The following R3HCC1L variants were observed in gnomAD, a reference collection of about 807,000 sequenced individuals.
R3HCC1L encodes R3H domain and coiled-coil containing 1 like.
In R3HCC1L, 51 loss-of-function variants were observed where a neutral mutation model predicts 59.9. The observed-to-expected ratio is 0.85, with a 90% confidence interval of 0.68 to 1.07. R3HCC1L has a LOEUF of 1.07. Among genes scored for constraint, R3HCC1L ranks in the 50% least tolerant of loss-of-function variants. R3HCC1L has a pLI of 0.00. For missense variants in R3HCC1L, 965 were observed against 933.0 expected (o/e 1.03, Z -0.45); for synonymous variants, 322 against 315.2 (o/e 1.02, Z -0.23).
chr10:98,154,367 G>A (rs1403713457), intron 1 of R3HCC1L, among the ~76,000 whole-genome samples: 1 of 152,104 alleles, frequency 6.6e-6, no homozygotes, highest in Non-Finnish European at 1.5e-5. Context: ...GATATATATT[G>A]CAGCTGATGG....
At position 98,208,678 on chromosome 10, in the gene R3HCC1L, C is replaced by T. The variant is rs376474765; in HGVS notation, c.564C>T (p.Phe188=). The change falls in exon 5 of 10, where the codon TTC becomes TTT. Residue 188 remains phenylalanine, a synonymous_variant. Coordinates refer to ENST00000298999, the MANE Select transcript of R3HCC1L (RefSeq NM_001351015.2). ...KPFQNVEFCD[F]SRHEPDGEAF... is the part of the protein sequence containing the mutation. ...TCCAAAATGTGGAATTCTGTGACTTCAGTAGGCATGAACCTGATGGGGAAG... is the reference window on the plus strand; with the variant it reads ...TCCAAAATGTGGAATTCTGTGACTTTAGTAGGCATGAACCTGATGGGGAAG... The T allele has an allele frequency of 1.1e-5, 18 of 1,613,958 alleles. No homozygotes were observed. The highest frequency in any genetic ancestry group is 1.4e-5 in the Non-Finnish European group (17 of 1,180,022).
Position 98,163,359 on chromosome 10 carries a change from T to A in R3HCC1L, c.-53T>A, listed in dbSNP as rs770990448. 3.8e-6 allele frequency: 5 copies of A among 1,331,480 alleles called. No individual in the cohort carries two copies. In the South Asian group the frequency reaches 1.0e-4, roughly 27 times the overall value. The allele number at this position is 1,331,480 out of a possible 1,614,324, so 82.5% of individuals were successfully genotyped here. A position where few individuals can be genotyped will look rare whatever the true frequency, so the allele number is the denominator to read the frequency against. On this transcript the variant is annotated 5_prime_UTR_variant, in exon 4 of 10. The change abolishes the stop of an existing upstream ORF in the 5' untranslated region. Transcript: ENST00000298999. Reference sequence around the variant, plus strand: ...TCAGAGACAGTCTATCGGCATGTTGTAGAGTTTTATTACTAAGAAAATAAA... The same window carrying A: ...TCAGAGACAGTCTATCGGCATGTTGAAGAGTTTTATTACTAAGAAAATAAA...
chr10:98,152,951 G>C (rs1322025492), intron 1 of R3HCC1L, among the ~76,000 whole-genome samples: 1 of 149,768 alleles, frequency 6.7e-6, no homozygotes, highest in Non-Finnish European at 1.5e-5. Context: ...GAGGTGGGGG[G>C]TCAGCCCCCA....
At chr10:98,167,473 A>G (rs569451921) in intron 4 of R3HCC1L, among the ~76,000 whole-genome samples, 1 of 152,230 alleles carries the variant, frequency 6.6e-6, no homozygotes, top group African/African-American at 2.4e-5. Context: ...TACCTCATTT[A>G]TAAGTATTCA....
At chr10:98,225,556 CTAGGAAAAGT>C (rs1206596160) in intron 5 of R3HCC1L, among the ~76,000 whole-genome samples, 3 of 152,146 alleles carry the variant, frequency 2.0e-5, no homozygotes, top group Non-Finnish European at 4.4e-5. Context: ...TCTTCCTCCT[CTAGGAAAAGT>C]TAGGAATCTC....
intron 5 of R3HCC1L, among the ~76,000 whole-genome samples, chr10:98,219,420 G>A (rs1278155248): frequency 6.6e-6 from 1 of 152,202 alleles, no homozygotes; most frequent in Non-Finnish European, 1.5e-5. Context: ...TTTAAGTGGA[G>A]AATTTAACCC....
intron 4 of R3HCC1L, among the ~76,000 whole-genome samples, chr10:98,183,795 C>T (rs746925081): frequency 6.6e-5 from 10 of 152,074 alleles, no homozygotes; most frequent in African/African-American, 7.2e-5. Context: ...TTCTTCTTAC[C>T]GTTTCCATCC....
chr10:98,154,187 A>G (rs938084614), intron 1 of R3HCC1L, among the ~76,000 whole-genome samples: 6 of 150,646 alleles, frequency 4.0e-5, no homozygotes, highest in Non-Finnish European at 7.4e-5. Context: ...ATAAGCAAAA[A>G]AAAAAAAAAA....
At chr10:98,138,248 C>T (rs1404823703) in intron 1 of R3HCC1L, among the ~76,000 whole-genome samples, 1 of 152,094 alleles carries the variant, frequency 6.6e-6, no homozygotes, top group East Asian at 1.9e-4. Flanking sequence ...TATGTTTTGC[C>T]AGCTTCTTTC....
intron 4 of R3HCC1L, among the ~76,000 whole-genome samples, chr10:98,190,442 CAG>C (rs781553235): frequency 1.2e-4 from 19 of 152,126 alleles, no homozygotes; most frequent in Non-Finnish European, 2.4e-4. Flanking sequence ...TTATTTGAAA[CAG>C]AAAATATTTT....
At chr10:98,178,572 TTA>T (rs1369650827) in intron 4 of R3HCC1L, among the ~76,000 whole-genome samples, 6 of 152,210 alleles carry the variant, frequency 3.9e-5, no homozygotes, top group Non-Finnish European at 8.8e-5. Flanking sequence ...CATATGAACT[TTA>T]AAGTAGTTTT....
intron 1 of R3HCC1L, among the ~76,000 whole-genome samples, chr10:98,152,768 G>C (rs936977066): frequency 2.0e-5 from 3 of 148,976 alleles, no homozygotes; most frequent in Admixed American, 2.0e-4. Context: ...CGCCCCGTCT[G>C]AGAAGTGAGG....
intron 1 of R3HCC1L, among the ~76,000 whole-genome samples, chr10:98,143,469 AT>A (rs1845371829): frequency 6.6e-6 from 1 of 152,210 alleles, no homozygotes; most frequent in Non-Finnish European, 1.5e-5. Flanking sequence ...TTCCTCCAGT[AT>A]TAGTCACTGT....
At chr10:98,218,525 G>C (rs1196139668) in intron 5 of R3HCC1L, among the ~76,000 whole-genome samples, 1 of 151,962 alleles carries the variant, frequency 6.6e-6, no homozygotes, top group Admixed American at 6.6e-5. Flanking sequence ...TATTTTCTTA[G>C]TCTCTCATTT....
chr10:98,181,661 C>T (rs1438560481), intron 4 of R3HCC1L, among the ~76,000 whole-genome samples: 6 of 152,174 alleles, frequency 3.9e-5, no homozygotes, highest in African/African-American at 1.4e-4. Flanking sequence ...ACCACTCAAA[C>T]GTAGATTTGG....
chr10:98,164,953 A>C (rs182081624), intron 4 of R3HCC1L, among the ~76,000 whole-genome samples: 3 of 152,296 alleles, frequency 2.0e-5, no homozygotes, highest in Admixed American at 2.0e-4. Flanking sequence ...GGTGTTATTG[A>C]TTCTGTCATC....
intron 5 of R3HCC1L, among the ~76,000 whole-genome samples, chr10:98,220,677 T>C (rs528654496): frequency 6.6e-6 from 1 of 151,004 alleles, no homozygotes; most frequent in Non-Finnish European, 1.5e-5. Context: ...TGTTTTCCAA[T>C]TTCATCCATG....
chr10:98,167,754 T>G (rs185919177), intron 4 of R3HCC1L, among the ~76,000 whole-genome samples: 29 of 152,292 alleles, frequency 1.9e-4, no homozygotes, highest in African/African-American at 6.7e-4. Flanking sequence ...TAATCTTAAG[T>G]AACTTAAGTT....
At chr10:98,232,102 G>T (rs1590823648) in intron 6 of R3HCC1L, among the ~76,000 whole-genome samples, 1 of 152,014 alleles carries the variant, frequency 6.6e-6, no homozygotes, top group Non-Finnish European at 1.5e-5. Context: ...AATCCTCCCA[G>T]CTTAGCCTCC....
Sources: allele counts gnomAD v4.1 joint callset (sites outside exome capture counted in the v4.1 genomes callset), GRCh38; gene constraint gnomAD v4.1.1; transcripts MANE v1.5; gene names NCBI Gene and HGNC (gene_info 2026-07-23, HGNC 2026-07-21).